Variants in CCNY observed in about 807,000 individuals in gnomAD.
CCNY encodes cyclin-Y.
A neutral mutation model predicts 42.8 loss-of-function variants in CCNY; 19 were observed. That is an observed-to-expected ratio of 0.44 (90% CI 0.31 to 0.65). The LOEUF (loss-of-function observed/expected upper bound fraction) is 0.65, where lower values mean the gene tolerates loss of function less well. Ranked by LOEUF, CCNY falls within the 30% of genes least tolerant of loss-of-function variation. The pLI is 0.07. For missense variants in CCNY, 370 were observed against 437.3 expected, an observed-to-expected ratio of 0.85 and a Z score of 1.37; for synonymous variants, 165 against 162.7, an observed-to-expected ratio of 1.01 and a Z score of -0.11.
intron 1 of CCNY, among the ~76,000 whole-genome samples, chr10:35,402,487 G>A (rs1837665102): frequency 6.6e-6 from 1 of 152,148 alleles, no homozygotes; most frequent in Non-Finnish European, 1.5e-5. Context: ...ATTGATTTAG[G>A]TAAAAACAAC....
At chr10:35,276,623 C>A (rs1315605225) in intron 3 of CCNY, among the ~76,000 whole-genome samples, 1 of 152,132 alleles carries the variant, frequency 6.6e-6, no homozygotes, top group Non-Finnish European at 1.5e-5. Flanking sequence ...TGGCCTCAAA[C>A]AATCCTCCTG....
intron 1 of CCNY, among the ~76,000 whole-genome samples, chr10:35,344,194 C>G (rs1836248839): frequency 6.6e-6 from 1 of 152,154 alleles, no homozygotes; most frequent in South Asian, 2.1e-4. Context: ...AGGAGAGGCT[C>G]AAGGAAGGTA....
chr10:35,527,046 A>T (rs938867618), intron 5 of CCNY, among the ~76,000 whole-genome samples: 3 of 151,736 alleles, frequency 2.0e-5, no homozygotes, highest in Non-Finnish European at 4.4e-5. Context: ...GACAGCTTCT[A>T]ATGAACAGTA....
intron 1 of CCNY, among the ~76,000 whole-genome samples, chr10:35,415,324 G>C (rs1234611726): frequency 6.6e-6 from 1 of 151,638 alleles, no homozygotes; most frequent in East Asian, 1.9e-4. Context: ...GATAGAGCCT[G>C]GTCCTGACGG....
chr10:35,375,054 A>G (rs2474527), intron 1 of CCNY, among the ~76,000 whole-genome samples: 9,639 of 152,188 alleles, frequency 0.063, 386 homozygotes, highest in African/African-American at 0.11. Flanking sequence ...GGAGGGGGTG[A>G]TTCTTTAAAG....
At chr10:35,291,829 C>G (rs567794339) in intron 3 of CCNY, among the ~76,000 whole-genome samples, 97 of 152,244 alleles carry the variant, frequency 6.4e-4, no homozygotes, top group African/African-American at 2.2e-3. Flanking sequence ...GCCACCGTGC[C>G]CAGCTTGTGT....
At chr10:35,330,366 C>T (rs1177636118) in intron 3 of CCNY, among the ~76,000 whole-genome samples, 2 of 152,204 alleles carry the variant, frequency 1.3e-5, no homozygotes, top group Non-Finnish European at 2.9e-5. Context: ...ATCTTGGCTC[C>T]AGAGGCTGCC....
At chr10:35,428,034 T>C (rs1349274685) in intron 1 of CCNY, among the ~76,000 whole-genome samples, 1 of 152,210 alleles carries the variant, frequency 6.6e-6, no homozygotes, top group South Asian at 2.1e-4. Context: ...TATAGACTCA[T>C]TGTTTCCTAT....
At chr10:35,498,410 G>A (rs758441727) in intron 2 of CCNY, among the ~76,000 whole-genome samples, 1 of 152,178 alleles carries the variant, frequency 6.6e-6, no homozygotes, top group African/African-American at 2.4e-5. Flanking sequence ...CCAAGGGCCA[G>A]CCTTGCAACA....
chr10:35,399,737 G>A (rs188501996), intron 1 of CCNY, among the ~76,000 whole-genome samples: 7 of 152,290 alleles, frequency 4.6e-5, no homozygotes, highest in East Asian at 3.9e-4. Context: ...TTTTATGTGC[G>A]GAGTACTGAT....
At chr10:35,329,822 T>C (rs777427514) in intron 3 of CCNY, among the ~76,000 whole-genome samples, 1 of 152,170 alleles carries the variant, frequency 6.6e-6, no homozygotes, top group Non-Finnish European at 1.5e-5. Context: ...TCAGGTGGGC[T>C]GGGTTTTTAG....
chr10:35,257,238 T>C (rs1476846364), intron 3 of CCNY, among the ~76,000 whole-genome samples: 10 of 102,456 alleles, frequency 9.8e-5, no homozygotes, highest in Admixed American at 7.5e-4. Flanking sequence ...CTCCCTTCCT[T>C]CCTCTTTCTT....
At chr10:35,366,241 A>G (rs937954343) in intron 1 of CCNY, among the ~76,000 whole-genome samples, 2 of 152,222 alleles carry the variant, frequency 1.3e-5, no homozygotes, top group East Asian at 3.8e-4. Flanking sequence ...GATGGTGGCA[A>G]TCATTTGCCT....
At chr10:35,554,818 A>G (rs1841330710) in intron 8 of CCNY, among the ~76,000 whole-genome samples, 1 of 152,236 alleles carries the variant, frequency 6.6e-6, no homozygotes, top group Non-Finnish European at 1.5e-5. Context: ...AGGAAGTGAG[A>G]GACAAATGCA....
At chr10:35,446,171 ATTGT>A (rs1838786077) in intron 1 of CCNY, among the ~76,000 whole-genome samples, 1 of 152,210 alleles carries the variant, frequency 6.6e-6, no homozygotes, top group Non-Finnish European at 1.5e-5. Flanking sequence ...GTCTCTGTTG[ATTGT>A]TTGCTGATCA....
intron 3 of CCNY, among the ~76,000 whole-genome samples, chr10:35,258,808 A>G (rs1196644546): frequency 1.3e-5 from 2 of 151,890 alleles, no homozygotes; most frequent in Non-Finnish European, 2.9e-5. Context: ...TGGTGGCATG[A>G]GCCTGTAGTC....
chr10:35,369,155 A>G (rs924556302), intron 1 of CCNY, among the ~76,000 whole-genome samples: 2 of 152,236 alleles, frequency 1.3e-5, no homozygotes, highest in African/African-American at 2.4e-5. Flanking sequence ...ACCTTGCAGT[A>G]GACTGTGGAC....
At chr10:35,323,509 G>A (rs972937064) in intron 3 of CCNY, among the ~76,000 whole-genome samples, 2 of 141,638 alleles carry the variant, frequency 1.4e-5, no homozygotes, top group African/African-American at 5.0e-5. Flanking sequence ...ACATTATGCT[G>A]AGGAAAAGAA....
At chr10:35,459,785 C>T (rs1839117140) in intron 1 of CCNY, among the ~76,000 whole-genome samples, 1 of 152,144 alleles carries the variant, frequency 6.6e-6, no homozygotes, top group Non-Finnish European at 1.5e-5. Context: ...AATTATTATA[C>T]CTGTTACTTA....
Sources: gnomAD v4.1 joint callset for allele counts (sites outside exome capture counted in the v4.1 genomes callset) on GRCh38, gnomAD v4.1.1 for gene constraint, MANE v1.5 for transcripts, NCBI Gene and HGNC (gene_info 2026-07-23, HGNC 2026-07-21) for gene names.